The following DSP variants were observed in gnomAD, a reference collection of about 807,000 sequenced individuals.
The protein encoded by DSP is 250/210 kDa paraneoplastic pemphigus antigen.
In DSP, 114 loss-of-function variants were observed where a neutral mutation model predicts 290.6. The ratio of observed to expected loss-of-function variants is 0.39; its 90% CI spans 0.34 to 0.46. The LOEUF is 0.46. Ranked by LOEUF, DSP falls within the 20% of genes least tolerant of loss-of-function variation. The pLI is 0.99. For synonymous variants in DSP, 1,311 were observed against 1,316.4 expected (o/e 1.00, Z 0.09); for missense variants, 3,230 against 3,495.8 (o/e 0.92, Z 1.92).
chr6:7,541,939 C>A lies in DSP; in HGVS notation c.24C>A (p.His8Gln), dbSNP rs1367183114. 2 of 1,609,548 alleles carry A rather than the reference C, an allele frequency of 1.2e-6. No homozygotes were observed. The highest frequency in any genetic ancestry group is 4.5e-5 in the East Asian group (2 of 44,748). The change falls in exon 1 of 24, where the codon CAC (histidine) becomes CAA (glutamine). Residue 8 changes from histidine to glutamine, a missense_variant. His to Gln is a conservative substitution (Grantham distance 24). This residue lies in a region of DSP where 646 missense variants were observed against 684.3 expected (regional missense o/e 0.94). Transcript: ENST00000379802. ...ACATGAGCTGCAACGGAGGCTCCCA[C>A]CCGCGGATCAACACTCTGGGCCGCA... Reference protein sequence around the residue: MSCNGGSHPRINTLGRMI... With the variant: MSCNGGSQPRINTLGRMI...
At chr6:7,567,324 GCTA>G (rs1424156625) in intron 8 of DSP, 27 bp from the exon 9 acceptor site, 1 of 1,590,460 alleles carries the variant, frequency 6.3e-7, no homozygotes, top group Non-Finnish European at 8.6e-7. Flanking sequence ...ACTGAGCTAG[GCTA>G]AGACAGCTGA....
At position 7,559,325 on chromosome 6, in the gene DSP, T is replaced by C. The variant is rs144781697; in HGVS notation, c.522T>C (p.Cys174=). ...CCAAGGGTGGTGGAGGCTACACTTG[T>C]CAGAGTGGCTCTGGCTGGGATGAGT... ...ASSKGGGGYT[C]QSGSGWDEFT... The change falls in exon 4 of 24, where the codon TGT becomes TGC. Residue 174 remains cysteine, a synonymous_variant. Transcript: ENST00000379802. 339 of 1,613,826 alleles carry C rather than the reference T, an allele frequency of 2.1e-4. 2 individuals carry two copies. In the African/African-American group the frequency reaches 4.3e-3, roughly 20 times the overall value.
chr6:7,585,541 C>T lies in DSP; in HGVS notation c.8279C>T (p.Ala2760Val), dbSNP rs774309765. ...AIRKGFIDGR[A>V]AQRLQDTSSY... ...CGGAAGGGGTTCATAGATGGCCGCG[C>T]CGCACAGAGGCTGCAAGACACCAGC... Residue 2760 changes from alanine to valine, a missense_variant, in exon 24 of 24, where the codon GCC becomes GTC. By Grantham distance (64) the Ala-to-Val change is moderately conservative. Transcript: ENST00000379802. The T allele has an allele frequency of 2.5e-6, 4 of 1,614,158 alleles. No homozygotes were observed. In the South Asian group the frequency reaches 4.4e-5, roughly 18 times the overall value.
Position 7,581,572 on chromosome 6 carries a change from A to G in DSP, c.5379+3A>G. The G allele has an allele frequency of 6.2e-7, 1 of 1,612,652 alleles. No homozygotes were observed. Among genetic ancestry groups the G allele is most frequent in the Non-Finnish European group, 8.5e-7 (1 of 1,180,028 alleles). On this transcript the variant is annotated splice_donor_region_variant and intron_variant, in intron 23 of 23. Transcript: ENST00000379802. ...AATTCCAAAAGCAGGCTTTAGAGGTATTCACAAATACTTGATCACAGCTTC... is the reference window on the plus strand; with the variant it reads ...AATTCCAAAAGCAGGCTTTAGAGGTGTTCACAAATACTTGATCACAGCTTC...
At chr6:7,542,106 CGCG>C (rs1758003779) in intron 1 of DSP, 21 bp downstream of exon 1, 4 of 1,552,486 alleles carry the variant, frequency 2.6e-6, no homozygotes, top group Non-Finnish European at 3.5e-6. Context: ...GCCCGGAGAG[CGCG>C]GGCTGCGGGG....
In DSP at chr6:7,584,875, T is replaced by A. The variant is rs1454619496; in HGVS notation, c.7613T>A (p.Leu2538His). ...YDIQDAIDKG[L>H]VDRKFFDQYR... Reference sequence around the variant, plus strand: ...ATTCAAGATGCTATTGACAAGGGCCTTGTTGACAGGAAGTTCTTTGATCAG... The same window carrying A: ...ATTCAAGATGCTATTGACAAGGGCCATGTTGACAGGAAGTTCTTTGATCAG... The change falls in exon 24 of 24, where the codon CTT (leucine) becomes CAT (histidine). Residue 2538 changes from leucine (L) to histidine (H), a missense_variant. Around this residue, in one of 5 missense-constraint regions of DSP, gnomAD observed 582 missense variants for 555.4 expected, o/e 1.05. Transcript: ENST00000379802. The surrounding 1 kb of genome is among the most constrained non-coding windows in gnomAD (Gnocchi z 6.4). The A allele has an allele frequency of 1.9e-6, 3 of 1,614,168 alleles. No individual in the cohort carries two copies. The highest frequency in any genetic ancestry group is 1.1e-5 in the South Asian group (1 of 91,086).
chr6:7,567,421 A>T lies in DSP; in HGVS notation c.1112A>T (p.His371Leu), dbSNP rs397516912. 1.2e-6 allele frequency: 2 copies of T among 1,614,022 alleles called. No individual in the cohort carries two copies. Among genetic ancestry groups the T allele is most frequent in the Non-Finnish European group, 8.5e-7 (1 of 1,180,036 alleles). Residue 371 changes from histidine to leucine, a missense_variant, in exon 9 of 24, where the codon CAT (histidine) becomes CTT (leucine). His to Leu is a moderately conservative substitution (Grantham distance 99). Around this residue, in one of 5 missense-constraint regions of DSP, gnomAD observed 646 missense variants for 684.3 expected, o/e 0.94. Transcript: ENST00000379802. The stretch of plus-strand genomic sequence containing the variant: ...CAGATCACCAAGTGCATTGATGTTC[A>T]TCTGAAAGAAAATGCTGCCTACTTT... ...ILQITKCIDV[H>L]LKENAAYFQF...
At position 7,574,788 on chromosome 6, in the gene DSP, G is replaced by A. The variant is rs1214751115; in HGVS notation, c.2429G>A (p.Gly810Glu). The A allele has an allele frequency of 1.2e-6, 2 of 1,614,046 alleles. No individual in the cohort carries two copies. Among genetic ancestry groups the A allele is most frequent in the Non-Finnish European group, 1.7e-6 (2 of 1,180,030 alleles). ...DLDKVEAYRC[G>E]LKKIKNDLNL... ...GATAAAGTGGAAGCTTACCGCTGTG[G>A]ACTGAAGGTAACTTGAAAGCTTATA... Residue 810 changes from glycine to glutamate, a missense_variant, in exon 17 of 24, where the codon GGA becomes GAA. Coordinates refer to ENST00000379802, the MANE Select transcript of DSP (RefSeq NM_004415.4).
rs773730187 is a variant in DSP at position 7,583,694 on chromosome 6, A to T, written c.6432A>T (p.Pro2144=). 1.7e-5 allele frequency: 27 copies of T among 1,614,134 alleles called. No homozygotes were observed. Among genetic ancestry groups the T allele is most frequent in the Non-Finnish European group, 2.3e-5 (27 of 1,180,010 alleles). ...VVDPVNSVFL[P]KDVALARGLI... ...ACCCTGTGAACAGTGTCTTTTTGCC[A>T]AAAGATGTCGCCTTGGCCCGGGGGC... Residue 2144 remains proline (P), a synonymous_variant, in exon 24 of 24, where the codon CCA becomes CCT. Coordinates refer to ENST00000379802, the MANE Select transcript of DSP (RefSeq NM_004415.4). This position sits in a 1 kb window ranked among gnomAD's most constrained non-coding sequence, Gnocchi z 4.0.
Position 7,583,982 on chromosome 6 carries a change from G to T in DSP, c.6720G>T (p.Gln2240His). ...PSTVNELESG[Q>H]ISYDEVGERI... ...CTGTCAATGAACTGGAATCTGGTCAGATTTCTTATGACGAGGTTGGTGAGA... is the reference window on the plus strand; with the variant it reads ...CTGTCAATGAACTGGAATCTGGTCATATTTCTTATGACGAGGTTGGTGAGA... The change falls in exon 24 of 24, where the codon CAG becomes CAT. Residue 2240 changes from glutamine to histidine, a missense_variant. Transcript: ENST00000379802. This position sits in a 1 kb window ranked among gnomAD's most constrained non-coding sequence, Gnocchi z 4.0. 1 of 1,614,212 alleles carries T rather than the reference G, an allele frequency of 6.2e-7. No homozygotes were observed. The highest frequency in any genetic ancestry group is 2.2e-5 in the East Asian group (1 of 44,882).
chr6:7,567,590 A>G lies in DSP; in HGVS notation c.1140+141A>G, dbSNP rs568105423. The G allele has an allele frequency of 3.1e-4, 354 of 1,146,920 alleles. 1 individual carries two copies. In the African/African-American group the frequency reaches 4.9e-3, roughly 16 times the overall value. 71.0% of individuals were successfully genotyped at this position (1,146,920 alleles called of 1,614,324 possible). On this transcript the variant is annotated intron_variant, in intron 9 of 23. Coordinates refer to ENST00000379802, the MANE Select transcript of DSP (RefSeq NM_004415.4). Reference sequence around the variant, plus strand: ...TGATTTTGAGTGCAGAGTAGCATAGATTTGCAACCTTGCCATCAGTCCTAC... The same window carrying G: ...TGATTTTGAGTGCAGAGTAGCATAGGTTTGCAACCTTGCCATCAGTCCTAC...
chr6:7,548,096 G>A (rs1048533337), intron 1 of DSP, among the ~76,000 whole-genome samples: 6 of 151,936 alleles, frequency 3.9e-5, no homozygotes, highest in African/African-American at 1.2e-4. Context: ...GTGAAACCCC[G>A]TCTCTACTAA....
chr6:7,559,888 T>C (rs919231718), intron 4 of DSP, among the ~76,000 whole-genome samples: 3 of 152,236 alleles, frequency 2.0e-5, no homozygotes, highest in Non-Finnish European at 2.9e-5. Context: ...TTTAGGCTCA[T>C]TGGTTGCTTA....
rs727504569 is a variant in DSP, at chr6:7,585,414, C to G, written c.8152C>G (p.Leu2718Val). The G allele has an allele frequency of 6.2e-7, 1 of 1,614,138 alleles. No homozygotes were observed. Among genetic ancestry groups the G allele is most frequent in the Non-Finnish European group, 8.5e-7 (1 of 1,180,020 alleles). Residue 2718 changes from leucine (L) to valine (V), a missense_variant, in exon 24 of 24, where the codon CTC becomes GTC. Physicochemically the swap from Leu to Val is conservative, Grantham distance 32 (BLOSUM62 1). This residue lies in a region of DSP where 582 missense variants were observed against 555.4 expected (regional missense o/e 1.05). Coordinates refer to ENST00000379802, the MANE Select transcript of DSP (RefSeq NM_004415.4). ...AGCAGAGGCAGTGAAAGAAAAATGG[C>G]TCCCGTATGAGGCTGGCCAGCGCTT... ...SAAEAVKEKW[L>V]PYEAGQRFLE... is the part of the protein sequence containing the mutation.
intron 1 of DSP, among the ~76,000 whole-genome samples, chr6:7,552,673 T>TC (rs966189440): frequency 1.8e-4 from 27 of 151,314 alleles, no homozygotes; most frequent in African/African-American, 6.3e-4. Flanking sequence ...TTTTTTTTTT[T>TC]TTTTAAGTTC....
chr6:7,562,824 G>T lies in DSP; in HGVS notation c.726+44G>T, dbSNP rs761482224. The T allele has an allele frequency of 6.2e-6, 10 of 1,612,394 alleles. No individual in the cohort carries two copies. In the South Asian group the frequency reaches 9.9e-5, roughly 16 times the overall value. On this transcript the variant is annotated intron_variant, in intron 5 of 23. Transcript: ENST00000379802. Reference sequence around the variant, plus strand: ...TTTTAGAGTCTTCAAAATATCTACCGAAGGATCGTGTAATTACTCAATCCC... The same window carrying T: ...TTTTAGAGTCTTCAAAATATCTACCTAAGGATCGTGTAATTACTCAATCCC...
intron 6 of DSP, among the ~76,000 whole-genome samples, chr6:7,564,915 T>C (rs1440547555): frequency 6.6e-6 from 1 of 152,014 alleles, no homozygotes; most frequent in East Asian, 1.9e-4. Flanking sequence ...GGGGCCGAGG[T>C]GGGCGGATCA....
At position 7,584,243 on chromosome 6, in the gene DSP, G is replaced by C. The variant is rs1280916950; in HGVS notation, c.6981G>C (p.Glu2327Asp). Residue 2327 changes from glutamate to aspartate, a missense_variant, in exon 24 of 24, where the codon GAG becomes GAC. Glu to Asp is a conservative substitution (Grantham distance 45, BLOSUM62 2). Around this residue, in one of 5 missense-constraint regions of DSP, gnomAD observed 207 missense variants for 281.2 expected, o/e 0.74. Transcript: ENST00000379802. This position sits in a 1 kb window ranked among gnomAD's most constrained non-coding sequence, Gnocchi z 6.4. ...KRGLVGIEFK[E>D]KLLSAERAVT... ...GTCTGGTGGGCATTGAGTTCAAAGA[G>C]AAGCTCCTGTCTGCAGAACGAGCTG... 1 of 1,614,168 alleles carries C rather than the reference G, an allele frequency of 6.2e-7. No individual in the cohort carries two copies. The highest frequency in any genetic ancestry group is 1.1e-5 in the South Asian group (1 of 91,076).
At chr6:7,544,141 AGGCG>A (rs1238579727) in intron 1 of DSP, among the ~76,000 whole-genome samples, 1 of 152,182 alleles carries the variant, frequency 6.6e-6, no homozygotes, top group Non-Finnish European at 1.5e-5. Context: ...TTGAGTCGGG[AGGCG>A]GTCATTCTTT....
Sources: gnomAD v4.1 joint callset for allele counts (sites outside exome capture counted in the v4.1 genomes callset) on GRCh38, gnomAD v4.1.1 for gene constraint, gnomAD v4.1.1 regional missense constraint, Gnocchi (gnomAD v3.1) non-coding constraint, MANE v1.5 for transcripts, NCBI Gene and HGNC (gene_info 2026-07-23, HGNC 2026-07-21) for gene names.